INO80: variants seen among roughly 807,000 people sequenced by gnomAD.
INO80 encodes chromatin-remodeling ATPase INO80.
Under a neutral mutation model 203.4 loss-of-function variants are expected in INO80, and 20 were observed. The observed-to-expected ratio is 0.10, with a 90% CI of 0.07 to 0.14. The LOEUF is 0.14. Among genes scored for constraint, INO80 ranks in the 10% least tolerant of loss-of-function variants. The probability of loss-of-function intolerance (pLI) is 1.00; values close to 1 mark genes in which losing one functional copy is unlikely to be tolerated. For missense variants in INO80, 1,419 were observed against 1,914.4 expected (o/e 0.74, Z 4.83); for synonymous variants, 726 against 685.2 (o/e 1.06, Z -0.93).
intron 1 of INO80, among the ~76,000 whole-genome samples, chr15:41,104,151 G>A (rs962322061): frequency 5.5e-5 from 8 of 146,328 alleles, no homozygotes; most frequent in Admixed American, 3.5e-4. Context: ...AACCCAGGAG[G>A]CAGAGGTTGC....
chr15:41,032,342 C>T (rs2044500933), intron 24 of INO80, among the ~76,000 whole-genome samples: 1 of 152,064 alleles, frequency 6.6e-6, no homozygotes, highest in Non-Finnish European at 1.5e-5. Flanking sequence ...GATAAATCAG[C>T]TCTTAGATTA....
intron 27 of INO80, 113 bp downstream of exon 27, chr15:41,015,975 A>G (rs1455005642): frequency 2.4e-6 from 2 of 834,006 alleles, no homozygotes; most frequent in Non-Finnish European, 3.7e-6. Context: ...AAGAAAAAAG[A>G]CAAAAGGGAG....
chr15:41,023,247 G>A (rs764147378), intron 25 of INO80: 1 of 455,604 alleles, frequency 2.2e-6, no homozygotes, highest in South Asian at 1.6e-5. Context: ...GCAGGTGGAT[G>A]AAAATTGGGT....
rs552591981 is a variant in INO80 at position 41,099,652 on chromosome 15, T to G, written c.-43-3299A>C. Among the ~76,000 whole-genome samples the G allele has an allele frequency of 1.3e-4, 20 of 151,686 alleles. 1 individual carries two copies. The highest frequency in any genetic ancestry group is 2.5e-4 in the Non-Finnish European group (17 of 67,964). ...TAAAAATTAGCTGAGTGTAGTGGCATGCACCTGTAAACCCAGCCACTTGGG... is the reference window on the plus strand; with the variant it reads ...TAAAAATTAGCTGAGTGTAGTGGCAGGCACCTGTAAACCCAGCCACTTGGG... On this transcript the variant is annotated intron_variant, in intron 1 of 35. Coordinates refer to ENST00000648947, the MANE Select transcript of INO80 (RefSeq NM_017553.3).
chr15:41,078,923 C>T (rs567505871), intron 9 of INO80, among the ~76,000 whole-genome samples: 1 of 152,240 alleles, frequency 6.6e-6, no homozygotes, highest in East Asian at 1.9e-4. Context: ...GGCGTATCAT[C>T]TGAGCTCAGG....
intron 24 of INO80, among the ~76,000 whole-genome samples, chr15:41,035,753 C>T (rs1241024979): frequency 3.5e-5 from 4 of 115,718 alleles, no homozygotes; most frequent in African/African-American, 9.9e-5. Flanking sequence ...AACTGGGAGG[C>T]GGAGGTTGCA....
rs372522306 is a variant in INO80, at chr15:40,996,027, TC to T, written c.3570+1501del. Among the ~76,000 whole-genome samples the T allele has an allele frequency of 6.6e-4, 101 of 152,058 alleles. 2 individuals carry two copies. Among genetic ancestry groups the T allele is most frequent in the African/African-American group, 2.4e-3 (99 of 41,410 alleles). On this transcript the variant is annotated intron_variant, in intron 29 of 35. Transcript: ENST00000648947. Reference sequence around the variant, plus strand: ...AGTTGCTATTACAGAATGTGTAGTATCAGATTAGTGAGAGAGAGAGAGAGAG... The same window carrying T: ...AGTTGCTATTACAGAATGTGTAGTATAGATTAGTGAGAGAGAGAGAGAGAG...
rs767209497 is a variant in INO80 at position 40,980,327 on chromosome 15, T to C, written c.4567A>G (p.Asn1523Asp). ...PLSSPLSKGNNVPGNPKNLHM... is the reference protein window; with the variant it reads ...PLSSPLSKGNDVPGNPKNLHM... ...AGGTTCTTGGGATTCCCAGGAACATTATTTCCCTTGCTCAAAGGGGAACTC... is the reference window on the plus strand; with the variant it reads ...AGGTTCTTGGGATTCCCAGGAACATCATTTCCCTTGCTCAAAGGGGAACTC... Residue 1523 changes from asparagine (N) to aspartate (D), a missense_variant, in exon 36 of 36, where the codon AAT becomes GAT. Physicochemically the swap from Asn to Asp is conservative, Grantham distance 23. Coordinates refer to ENST00000648947, the MANE Select transcript of INO80 (RefSeq NM_017553.3). 3 of 1,614,034 alleles carry C rather than the reference T, an allele frequency of 1.9e-6. No homozygotes were observed. The highest frequency in any genetic ancestry group is 2.5e-6 in the Non-Finnish European group (3 of 1,180,006).
intron 27 of INO80, among the ~76,000 whole-genome samples, chr15:41,011,388 T>A (rs145568814): frequency 1.3e-5 from 2 of 152,172 alleles, no homozygotes; most frequent in African/African-American, 2.4e-5. Context: ...ACTAAATAGA[T>A]TCCTTAAAGT....
chr15:41,051,656 A>G (rs2044873146), intron 19 of INO80, among the ~76,000 whole-genome samples: 2 of 151,924 alleles, frequency 1.3e-5, no homozygotes, highest in Non-Finnish European at 2.9e-5. Flanking sequence ...TATAAAAATT[A>G]AAAAATAAAA....
At chr15:41,009,629 A>G (rs1296708495) in intron 27 of INO80, among the ~76,000 whole-genome samples, 1 of 151,790 alleles carries the variant, frequency 6.6e-6, no homozygotes, top group Non-Finnish European at 1.5e-5. Context: ...GTCTTGCTCT[A>G]TTGCACAGGA....
intron 14 of INO80, among the ~76,000 whole-genome samples, chr15:41,065,482 A>G (rs2045194153): frequency 6.6e-6 from 1 of 152,164 alleles, no homozygotes; most frequent in African/African-American, 2.4e-5. Context: ...AGATTCCTTA[A>G]TAAGTAGAAT....
chr15:41,029,168 G>T (rs1379561897), intron 24 of INO80, among the ~76,000 whole-genome samples: 1 of 152,220 alleles, frequency 6.6e-6, no homozygotes, highest in Non-Finnish European at 1.5e-5. Context: ...CAAACTGCAA[G>T]ATCAGAACAG....
intron 27 of INO80, among the ~76,000 whole-genome samples, chr15:41,012,609 A>T (rs1232716657): frequency 6.6e-6 from 1 of 151,614 alleles, no homozygotes; most frequent in Non-Finnish European, 1.5e-5. Flanking sequence ...AATATAAAAT[A>T]AACTCATAAT....
At chr15:41,058,903 C>T in intron 15 of INO80, 122 bp from the exon 16 acceptor site, 3 of 872,732 alleles carry the variant, frequency 3.4e-6, no homozygotes, top group Non-Finnish European at 3.5e-6. Context: ...GTGCTTCTCC[C>T]ATATGGTAGG....
intron 9 of INO80, among the ~76,000 whole-genome samples, chr15:41,074,948 T>C (rs112682012): frequency 0.066 from 9,994 of 152,228 alleles, 962 homozygotes; most frequent in African/African-American, 0.21. Flanking sequence ...TTTCACCATG[T>C]TGGCCAGGCT....
intron 17 of INO80, among the ~76,000 whole-genome samples, chr15:41,056,192 C>A (rs2044982145): frequency 6.6e-6 from 1 of 151,996 alleles, no homozygotes; most frequent in South Asian, 2.1e-4. Context: ...GGCATCCTCC[C>A]ACTTCGACCT....
chr15:41,031,431 A>G (rs1490614189), intron 24 of INO80, among the ~76,000 whole-genome samples: 1 of 142,352 alleles, frequency 7.0e-6, no homozygotes, highest in Non-Finnish European at 1.5e-5. Context: ...AGAGGGAGAA[A>G]GAAAGAAGGA....
chr15:41,096,114 G>A (rs957062316), intron 2 of INO80, 54 bp downstream of exon 2: 1 of 1,525,008 alleles, frequency 6.6e-7, no homozygotes, highest in Non-Finnish European at 8.8e-7. Flanking sequence ...AATCTGTAAG[G>A]ATGATGGAAA....
Sources: gnomAD v4.1 joint callset for allele counts (sites outside exome capture counted in the v4.1 genomes callset) on GRCh38, gnomAD v4.1.1 for gene constraint, MANE v1.5 for transcripts, NCBI Gene and HGNC (gene_info 2026-07-23, HGNC 2026-07-21) for gene names.